DNAH14: variants seen among roughly 807,000 people sequenced by gnomAD.
The protein encoded by DNAH14 is axonemal beta dynein heavy chain 14.
A neutral mutation model predicts 520.9 loss-of-function variants in DNAH14; 478 were observed. The ratio of observed to expected loss-of-function variants is 0.92; its 90% CI spans 0.85 to 0.99. DNAH14 has a LOEUF of 0.99. Ranked by LOEUF, DNAH14 falls within the 50% of genes least tolerant of loss-of-function variation. The probability of loss-of-function intolerance (pLI) is 0.00; values close to 1 mark genes in which losing one functional copy is unlikely to be tolerated. For synonymous variants in DNAH14, 1,581 were observed against 1,757.2 expected (o/e 0.90, Z 2.51); for missense variants, 4,831 against 5,234.5 (o/e 0.92, Z 2.38).
chr1:225,303,478 A>G, intron 57 of DNAH14, 131 bp downstream of exon 57: 1 of 740,202 alleles, frequency 1.4e-6, no homozygotes, highest in Non-Finnish European at 2.1e-6. Flanking sequence ...AAATGGATCA[A>G]GTGTTTACAA....
chr1:225,385,542 C>A (rs1421271504), intron 81 of DNAH14, among the ~76,000 whole-genome samples: 11 of 152,116 alleles, frequency 7.2e-5, no homozygotes, highest in South Asian at 2.1e-4. Flanking sequence ...CTCAGGATAC[C>A]AAATCAATGT....
At chr1:225,219,059 G>A (rs1233769416) in intron 41 of DNAH14, among the ~76,000 whole-genome samples, 2 of 152,156 alleles carry the variant, frequency 1.3e-5, no homozygotes, top group Non-Finnish European at 2.9e-5. Context: ...CGACTACTGG[G>A]TAAATAACGA....
intron 10 of DNAH14, among the ~76,000 whole-genome samples, chr1:225,009,924 G>A (rs2064561193): frequency 6.6e-6 from 1 of 152,290 alleles, no homozygotes; most frequent in African/African-American, 2.4e-5. Context: ...AGGAACGCTT[G>A]TGATTTTTGC....
Position 225,105,927 on chromosome 1 carries a change from T to C in DNAH14, c.3867+5043T>C, listed in dbSNP as rs184032440. 2.7e-5 allele frequency among the ~76,000 whole-genome samples: 4 copies of C among 146,436 alleles called. No individual in the cohort carries two copies. In the East Asian group the frequency reaches 7.9e-4, roughly 29 times the overall value. On this transcript the variant is annotated intron_variant, in intron 23 of 85. Transcript: ENST00000682510. ...GTTATGTGTGAATTCAATTCTGTTA[T>C]TATGATGTTAGCTGGTTATTTTGCT...
At chr1:225,023,901 A>G in intron 11 of DNAH14, 36 bp downstream of exon 11, 1 of 1,493,872 alleles carries the variant, frequency 6.7e-7, no homozygotes, top group Non-Finnish European at 9.0e-7. Context: ...AGTAACTTAC[A>G]ATTATAATAT....
chr1:225,279,103 TCTC>T (rs2093565884), intron 54 of DNAH14, among the ~76,000 whole-genome samples: 1 of 152,138 alleles, frequency 6.6e-6, no homozygotes, highest in Non-Finnish European at 1.5e-5. Flanking sequence ...TTCAAGCAAT[TCTC>T]CTACTTCAGC....
intron 4 of DNAH14, among the ~76,000 whole-genome samples, chr1:224,962,200 T>TC (rs34916391): frequency 6.6e-6 from 1 of 152,080 alleles, no homozygotes; most frequent in African/African-American, 2.4e-5. Flanking sequence ...TATAATTGCC[T>TC]CCCCCTAAGT....
intron 17 of DNAH14, among the ~76,000 whole-genome samples, chr1:225,056,663 G>C (rs553730298): frequency 2.6e-5 from 4 of 152,214 alleles, no homozygotes; most frequent in African/African-American, 9.6e-5. Flanking sequence ...TATGGTTTTA[G>C]GTCTAACATT....
chr1:225,152,128 A>G, intron 32 of DNAH14, 55 bp downstream of exon 32: 2 of 1,442,810 alleles, frequency 1.4e-6, no homozygotes, highest in East Asian at 5.0e-5. Context: ...ATTTTCTTAA[A>G]TCTTATCTAC....
At position 225,240,677 on chromosome 1, in the gene DNAH14, G is replaced by C; in HGVS notation, c.6603G>C (p.Trp2201Cys). The C allele has an allele frequency of 6.4e-7, 1 of 1,550,744 alleles. No individual in the cohort carries two copies. The highest frequency in any genetic ancestry group is 8.7e-7 in the Non-Finnish European group (1 of 1,146,492). ...AGCTTTTTGTGTTTGCCTTTACTTG[G>C]GCATTTGGAGGAGCTTTAAACCGTG... is the stretch of plus-strand genomic sequence containing the variant. ...IQKLFVFAFT[W>C]AFGGALNRED... The change falls in exon 43 of 86, where the codon TGG becomes TGC. Residue 2201 changes from tryptophan (W) to cysteine (C), a missense_variant. Coordinates refer to ENST00000682510, the MANE Select transcript of DNAH14 (RefSeq NM_001367479.1).
At chr1:225,064,229 C>A (rs1233333994) in intron 17 of DNAH14, among the ~76,000 whole-genome samples, 1 of 152,018 alleles carries the variant, frequency 6.6e-6, no homozygotes, top group East Asian at 1.9e-4. Flanking sequence ...TGACAATTCA[C>A]TATATAGCCA....
intron 82 of DNAH14, 27 bp downstream of exon 82, chr1:225,388,518 C>A (rs1216921117): frequency 1.5e-6 from 2 of 1,353,056 alleles, no homozygotes; most frequent in Non-Finnish European, 2.0e-6. Flanking sequence ...CTTTACATTT[C>A]TTCCTCATTT....
intron 51 of DNAH14, 125 bp downstream of exon 51, chr1:225,272,198 C>A: frequency 2.2e-6 from 2 of 897,452 alleles, no homozygotes; most frequent in Non-Finnish European, 1.6e-6. Flanking sequence ...TTGCTATTAG[C>A]AGCTTATCTC....
chr1:225,209,729 G>C (rs1205623315), intron 41 of DNAH14, among the ~76,000 whole-genome samples: 2 of 152,124 alleles, frequency 1.3e-5, no homozygotes, highest in Non-Finnish European at 2.9e-5. Flanking sequence ...AGCATGAGAA[G>C]TGCCAGTCTG....
chr1:225,330,207 A>G (rs1367387165), intron 64 of DNAH14, among the ~76,000 whole-genome samples: 4 of 152,160 alleles, frequency 2.6e-5, no homozygotes, highest in Non-Finnish European at 5.9e-5. Context: ...TGCTCGTGGG[A>G]ACATAAATTA....
At position 225,276,036 on chromosome 1, in the gene DNAH14, T is replaced by C. The variant is rs1187474020; in HGVS notation, c.8133T>C (p.Ser2711=). 2 of 380,532 alleles carry C rather than the reference T, an allele frequency of 5.3e-6. No individual in the cohort carries two copies. The highest frequency in any genetic ancestry group is 5.3e-6 in the Non-Finnish European group (1 of 189,946). 23.6% of individuals were successfully genotyped at this position (380,532 alleles called of 1,614,324 possible). ...CCAGTGACTATAATAAACTTGCCAG[T>C]GTACTTGATGAATTCCAAATGAAGT... The part of the protein sequence containing the change: ...QNTSDYNKLA[S]VLDEFQMKLG... The change falls in exon 53 of 86, where the codon AGT becomes AGC. Residue 2711 remains serine (S), a synonymous_variant. Transcript: ENST00000682510.
chr1:225,399,143 A>G lies in DNAH14; in HGVS notation c.13728A>G (p.Ser4576=), dbSNP rs16844837. The G allele has an allele frequency of 2.5e-3, 3,917 of 1,551,864 alleles. 80 individuals are homozygous for G. The African/African-American group carries it at 0.044, about 18-fold the overall frequency. The change falls in exon 86 of 86, where the codon TCA becomes TCG. Residue 4576 remains serine, a synonymous_variant. Transcript: ENST00000682510. ...ECPVYQTPER[S]RILATTGLPT... The stretch of plus-strand genomic sequence containing the variant: ...CAGTTTACCAGACACCTGAGAGGTC[A>G]AGAATTTTGGCAACTACCGGTTTAC...
chr1:224,947,407 A>C (rs957135276), intron 1 of DNAH14, among the ~76,000 whole-genome samples: 2 of 152,040 alleles, frequency 1.3e-5, no homozygotes, highest in Non-Finnish European at 2.9e-5. Context: ...TAAATTTTTA[A>C]TCACCTTGAC....
At chr1:225,270,268 A>G (rs2093275174) in intron 49 of DNAH14, among the ~76,000 whole-genome samples, 2 of 146,696 alleles carry the variant, frequency 1.4e-5, no homozygotes, top group Admixed American at 6.9e-5. Context: ...TGGGAACTGA[A>G]CAATGAGAAC....
Sources: gnomAD v4.1 joint callset for allele counts (sites outside exome capture counted in the v4.1 genomes callset) on GRCh38, gnomAD v4.1.1 for gene constraint, MANE v1.5 for transcripts, NCBI Gene and HGNC (gene_info 2026-07-23, HGNC 2026-07-21) for gene names.